CERS3: variants seen among roughly 807,000 people sequenced by gnomAD.
CERS3 encodes LAG1 homolog, ceramide synthase 3.
CERS3 carries 33 observed loss-of-function variants against 50.3 expected under a neutral mutation model. The ratio of observed to expected loss-of-function variants is 0.66; its 90% CI spans 0.50 to 0.88. The LOEUF (loss-of-function observed/expected upper bound fraction) is 0.88. CERS3 is among the 40% of genes least tolerant of loss of function. CERS3 has a pLI of 0.00. For missense variants in CERS3, 470 were observed against 460.3 expected (o/e 1.02, Z -0.19); for synonymous variants, 176 against 155.2 (o/e 1.13, Z -0.99).
intron 2 of CERS3, among the ~76,000 whole-genome samples, chr15:100,519,338 G>T (rs1567679243): frequency 6.6e-6 from 1 of 152,112 alleles, no homozygotes; most frequent in Non-Finnish European, 1.5e-5. Context: ...AGCTCTGGGT[G>T]CTGTGTGAGG....
intron 2 of CERS3, among the ~76,000 whole-genome samples, chr15:100,518,147 G>A (rs996060875): frequency 6.6e-6 from 1 of 152,180 alleles, no homozygotes; most frequent in African/African-American, 2.4e-5. Flanking sequence ...GTCTAGCCCT[G>A]TCTAATGCAA....
intron 10 of CERS3, among the ~76,000 whole-genome samples, chr15:100,460,015 C>A (rs1301129677): frequency 6.6e-6 from 1 of 152,060 alleles, no homozygotes; most frequent in Admixed American, 6.6e-5. Context: ...AAGATATCAA[C>A]ACTATTTTTA....
chr15:100,491,365 T>G (rs775670449), intron 3 of CERS3, among the ~76,000 whole-genome samples: 11 of 152,176 alleles, frequency 7.2e-5, no homozygotes, highest in Non-Finnish European at 1.6e-4. Flanking sequence ...GGCAAATACG[T>G]AATAATAGGA....
chr15:100,480,111 T>G, intron 5 of CERS3, 65 bp from the exon 6 acceptor site: 1 of 1,203,838 alleles, frequency 8.3e-7, no homozygotes, highest in Non-Finnish European at 1.2e-6. Context: ...GAGAAAATGA[T>G]TAGGTATGGC....
chr15:100,507,057 T>C (rs2036206447), intron 2 of CERS3, among the ~76,000 whole-genome samples: 1 of 152,214 alleles, frequency 6.6e-6, no homozygotes, highest in Non-Finnish European at 1.5e-5. Context: ...TGCAGCTGCC[T>C]GTTCTTCATT....
intron 7 of CERS3, 150 bp from the exon 8 acceptor site, chr15:100,476,328 G>T: frequency 2.2e-6 from 1 of 449,630 alleles, no homozygotes; most frequent in African/African-American, 2.1e-5. Flanking sequence ...TTCAACGAAG[G>T]AATTAAAGAT....
chr15:100,426,998 T>G (rs2032850323), intron 11 of CERS3, among the ~76,000 whole-genome samples: 1 of 152,212 alleles, frequency 6.6e-6, no homozygotes, highest in Non-Finnish European at 1.5e-5. Flanking sequence ...TCTTCAGCAA[T>G]GTCCAAGCTA....
At chr15:100,417,887 AAACT>A (rs1488218720) in intron 11 of CERS3, among the ~76,000 whole-genome samples, 27 of 152,124 alleles carry the variant, frequency 1.8e-4, no homozygotes, top group African/African-American at 6.3e-4. Context: ...GTTAGAAGGA[AAACT>A]AACAAACAGA....
At chr15:100,469,582 A>G in intron 9 of CERS3, 98 bp from the exon 10 acceptor site, 1 of 845,418 alleles carries the variant, frequency 1.2e-6, no homozygotes, top group African/African-American at 1.7e-5. Flanking sequence ...GATTTGCTTC[A>G]AAACAATCTG....
intron 10 of CERS3, among the ~76,000 whole-genome samples, chr15:100,467,760 TC>T (rs2034799357): frequency 2.5e-5 from 3 of 121,424 alleles, no homozygotes; most frequent in Non-Finnish European, 5.2e-5. Flanking sequence ...TCTCTCTCTC[TC>T]TCTCTCTCTA....
intron 11 of CERS3, among the ~76,000 whole-genome samples, chr15:100,453,239 C>T (rs2034237460): frequency 2.0e-5 from 3 of 152,032 alleles, no homozygotes; most frequent in South Asian, 4.1e-4. Context: ...AACATAGATA[C>T]AAAAATTCTC....
intron 11 of CERS3, among the ~76,000 whole-genome samples, chr15:100,424,602 G>A (rs2032686739): frequency 6.6e-6 from 1 of 152,206 alleles, no homozygotes; most frequent in Non-Finnish European, 1.5e-5. Flanking sequence ...GGGATCTGTG[G>A]AATTTTGAAC....
chr15:100,473,535 T>G (rs1165220961), intron 8 of CERS3, among the ~76,000 whole-genome samples: 2 of 152,170 alleles, frequency 1.3e-5, no homozygotes, highest in African/African-American at 4.8e-5. Context: ...AATGGCCAAT[T>G]CACACATGAA....
upstream of CERS3, among the ~76,000 whole-genome samples, chr15:100,530,875 G>C (rs137970461): frequency 8.5e-5 from 13 of 152,138 alleles, no homozygotes; most frequent in Non-Finnish European, 1.6e-4. Flanking sequence ...TTGAGGTCAG[G>C]AGTTTGAGAC....
chr15:100,514,841 T>C (rs1416550750), intron 2 of CERS3, among the ~76,000 whole-genome samples: 1 of 152,192 alleles, frequency 6.6e-6, no homozygotes, highest in Admixed American at 6.5e-5. Context: ...ACATGATAAG[T>C]TCTGGGTGGC....
chr15:100,488,870 T>A (rs1323000633), intron 4 of CERS3, among the ~76,000 whole-genome samples: 1 of 151,360 alleles, frequency 6.6e-6, no homozygotes, highest in Non-Finnish European at 1.5e-5. Flanking sequence ...TCCAACTCCC[T>A]GGTTCAAGCT....
chr15:100,468,164 A>G (rs1296080898), intron 10 of CERS3, among the ~76,000 whole-genome samples: 1 of 152,196 alleles, frequency 6.6e-6, no homozygotes, highest in African/African-American at 2.4e-5. Context: ...ACTCATTAAT[A>G]TGTTTAATTA....
At chr15:100,525,791 G>A (rs2036770543) in intron 1 of CERS3, among the ~76,000 whole-genome samples, 1 of 152,152 alleles carries the variant, frequency 6.6e-6, no homozygotes, top group Admixed American at 6.5e-5. Context: ...ATACAGCATG[G>A]CTGTAAAATG....
chr15:100,447,809 C>T (rs2033999425), intron 11 of CERS3, among the ~76,000 whole-genome samples: 1 of 152,212 alleles, frequency 6.6e-6, no homozygotes, highest in Non-Finnish European at 1.5e-5. Flanking sequence ...CATTCCCCCA[C>T]TAGATGGTGG....
Sources: allele counts gnomAD v4.1 joint callset (sites outside exome capture counted in the v4.1 genomes callset), GRCh38; gene constraint gnomAD v4.1.1; transcripts MANE v1.5; gene names NCBI Gene and HGNC (gene_info 2026-07-23, HGNC 2026-07-21).